EXOC3L2: variants seen among roughly 807,000 people sequenced by gnomAD.
EXOC3L2 encodes exocyst complex component 3 like 2.
A neutral mutation model predicts 44.4 loss-of-function variants in EXOC3L2; 17 were observed. The ratio of observed to expected loss-of-function variants is 0.38; its 90% CI spans 0.26 to 0.57. The LOEUF is 0.57. Ranked by LOEUF, EXOC3L2 falls within the 20% of genes least tolerant of loss-of-function variation. The probability of loss-of-function intolerance (pLI) is 0.65; values close to 1 mark genes in which losing one functional copy is unlikely to be tolerated. For missense variants in EXOC3L2, 541 were observed against 588.4 expected (o/e 0.92, Z 0.83); for synonymous variants, 256 against 253.7 (o/e 1.01, Z -0.09).
In EXOC3L2 at chr19:45,231,861, G is replaced by T; in HGVS notation, c.1171C>A (p.Leu391Met). ...NQVYPREVLG[L>M]VDMAALENGE... is the part of the protein sequence containing the mutation. ...TTCTCCAGGGCGGCCATGTCCACCAGCCCTAGGACCTCTCTGGGGATGGGG... is the reference window on the plus strand; with the variant it reads ...TTCTCCAGGGCGGCCATGTCCACCATCCCTAGGACCTCTCTGGGGATGGGG... The change falls in exon 4 of 12, where the codon CTG becomes ATG. Residue 391 changes from leucine to methionine, a missense_variant. Physicochemically the swap from Leu to Met is conservative, Grantham distance 15. Transcript: ENST00000413988. 6.3e-7 allele frequency: 1 copy of T among 1,597,938 alleles called. No homozygotes were observed. Among genetic ancestry groups the T allele is most frequent in the Non-Finnish European group, 8.6e-7 (1 of 1,167,124 alleles).
chr19:45,216,296 C>G, intron 10 of EXOC3L2, 102 bp from the exon 11 acceptor site: 1 of 1,461,256 alleles, frequency 6.8e-7, no homozygotes, highest in Non-Finnish European at 9.1e-7. Context: ...GTAGCAGAAA[C>G]CAGGGGTGGT....
In EXOC3L2 at chr19:45,234,187, G is replaced by T; in HGVS notation, c.1157+6C>A. The T allele has an allele frequency of 2.5e-6, 1 of 396,652 alleles. No homozygotes were observed. Among genetic ancestry groups the T allele is most frequent in the East Asian group, 3.6e-5 (1 of 27,932 alleles). The allele number at this position is 396,652 out of a possible 1,614,324, so 24.6% of individuals were successfully genotyped here. ...ACGTGACCTTGGGCAACTGAGTCCA[G>T]CTTACCTGGGGTAGACCTGATTGTG... On this transcript the variant is annotated splice_donor_region_variant and intron_variant, in intron 3 of 11. Transcript: ENST00000413988. The surrounding 1 kb of genome is among the most constrained non-coding windows in gnomAD (Gnocchi z 5.0).
intron 7 of EXOC3L2, among the ~76,000 whole-genome samples, chr19:45,225,618 CTCT>C (rs1969951390): frequency 1.4e-5 from 2 of 140,592 alleles, no homozygotes; most frequent in Admixed American, 7.0e-5. Context: ...CCTTACTCTT[CTCT>C]TTTTTTTTTT....
intron 10 of EXOC3L2, 86 bp downstream of exon 10, chr19:45,217,441 TC>T: frequency 7.2e-7 from 1 of 1,394,880 alleles, no homozygotes. Context: ...TCTGCCCCTC[TC>T]CCCCTGGCTT....
At chr19:45,215,857 T>C (rs1475259395) in intron 11 of EXOC3L2, among the ~76,000 whole-genome samples, 1 of 152,184 alleles carries the variant, frequency 6.6e-6, no homozygotes, top group Non-Finnish European at 1.5e-5. Context: ...GCCTGTTTGT[T>C]TGTGAGCCCT....
intron 8 of EXOC3L2, among the ~76,000 whole-genome samples, chr19:45,222,759 A>G (rs2122965321): frequency 6.6e-6 from 1 of 152,284 alleles, no homozygotes; most frequent in East Asian, 1.9e-4. Context: ...CAAAAAAGCA[A>G]ACATACATAG....
intron 8 of EXOC3L2, among the ~76,000 whole-genome samples, chr19:45,218,565 G>A (rs560569185): frequency 5.3e-4 from 80 of 152,258 alleles, no homozygotes; most frequent in African/African-American, 1.8e-3. Context: ...AGGGGTTTAG[G>A]AAGCCCAGAG....
Position 45,213,213 on chromosome 19 carries a change from G to T in EXOC3L2, c.2265C>A (p.Asp755Glu), listed in dbSNP as rs111862689. The change falls in exon 12 of 12, where the codon GAC becomes GAA. Residue 755 changes from aspartate to glutamate, a missense_variant. Coordinates refer to ENST00000413988, the MANE Select transcript of EXOC3L2 (RefSeq NM_001382422.1). Reference protein sequence around the residue: ...SPPRDRAFFADIPVPRPSFCL... With the variant: ...SPPRDRAFFAEIPVPRPSFCL... ...AGAAAGATGGGCGGGGCACAGGGAT[G>T]TCTGCAAAGAAGGCACGGTCCCGAG... The T allele has an allele frequency of 1.1e-3, 1,838 of 1,611,642 alleles. 2 individuals are homozygous for T. Among genetic ancestry groups the T allele is most frequent in the Admixed American group, 2.5e-3 (148 of 59,628 alleles).
Position 45,224,715 on chromosome 19 carries a change from G to A in EXOC3L2, c.1719+63C>T, listed in dbSNP as rs1286410294. On this transcript the variant is annotated intron_variant, in intron 8 of 11. Transcript: ENST00000413988. ...CATGGGCTAAAAGGAACTGGAGGAT[G>A]GTGGGGGGCAGCGCTTCCCTGTCCT... 5 of 1,514,484 alleles carry A rather than the reference G, an allele frequency of 3.3e-6. No individual in the cohort carries two copies. The African/African-American group carries it at 5.6e-5, about 17-fold the overall frequency. 93.8% of individuals were successfully genotyped at this position (1,514,484 alleles called of 1,614,324 possible).
Position 45,231,743 on chromosome 19 carries a change from A to C in EXOC3L2, c.1269+20T>G, listed in dbSNP as rs1441534812. On this transcript the variant is annotated intron_variant, in intron 4 of 11. Coordinates refer to ENST00000413988, the MANE Select transcript of EXOC3L2 (RefSeq NM_001382422.1). ...CCCTCCACAGCACCTCCTGCTTCCA[A>C]AATGCAAAGTTCCAGGTACCTTAAC... 3.8e-6 allele frequency: 6 copies of C among 1,589,370 alleles called. No individual in the cohort carries two copies. The highest frequency in any genetic ancestry group is 5.2e-6 in the Non-Finnish European group (6 of 1,159,924).
chr19:45,227,862 G>A, intron 6 of EXOC3L2, 90 bp from the exon 7 acceptor site: 1 of 1,508,562 alleles, frequency 6.6e-7, no homozygotes, highest in Non-Finnish European at 9.1e-7. Context: ...CCCTGCGGTG[G>A]CACTCTACCT....
chr19:45,227,696 T>G lies in EXOC3L2; in HGVS notation c.1549A>C (p.Thr517Pro). Reference sequence around the variant, plus strand: ...GGGCCGCAGTTGACCAGGGCGATGGTCTTGCTGATATAGGTGTCAGGTAGC... The same window carrying G: ...GGGCCGCAGTTGACCAGGGCGATGGGCTTGCTGATATAGGTGTCAGGTAGC... ...EMLPDTYISK[T>P]IALVNCGPPL... The change falls in exon 7 of 12, where the codon ACC becomes CCC. Residue 517 changes from threonine (T) to proline (P), a missense_variant. By Grantham distance (38) the Thr-to-Pro change is conservative. Coordinates refer to ENST00000413988, the MANE Select transcript of EXOC3L2 (RefSeq NM_001382422.1). 1 of 1,612,794 alleles carries G rather than the reference T, an allele frequency of 6.2e-7. No homozygotes were observed. The highest frequency in any genetic ancestry group is 8.5e-7 in the Non-Finnish European group (1 of 1,179,812).
At chr19:45,237,628 G>A (rs1427140633) in intron 2 of EXOC3L2, among the ~76,000 whole-genome samples, 2 of 152,138 alleles carry the variant, frequency 1.3e-5, no homozygotes, top group Non-Finnish European at 2.9e-5. Flanking sequence ...AAGGCACTGA[G>A]GAAGACACTG....
chr19:45,242,861 C>CAAAAAA (rs56175442), intron 1 of EXOC3L2, among the ~76,000 whole-genome samples: 3 of 85,630 alleles, frequency 3.5e-5, no homozygotes, highest in African/African-American at 9.5e-5. Flanking sequence ...AACTCCATCT[C>CAAAAAA]AAAAAAAAAA....
intron 8 of EXOC3L2, 140 bp from the exon 9 acceptor site, chr19:45,218,459 G>A (rs1969862708): frequency 1.7e-6 from 2 of 1,176,146 alleles, no homozygotes; most frequent in Non-Finnish European, 2.3e-6. Context: ...GATAGCCCCA[G>A]CCCTGGCATC....
At chr19:45,230,924 AT>A (rs750043401) in intron 4 of EXOC3L2, among the ~76,000 whole-genome samples, 79 of 147,168 alleles carry the variant, frequency 5.4e-4, no homozygotes, top group Admixed American at 2.1e-3. Flanking sequence ...GTCTCTGCAA[AT>A]TTTTTTTTTT....
At chr19:45,220,262 G>T (rs1316834908) in intron 8 of EXOC3L2, among the ~76,000 whole-genome samples, 1 of 151,914 alleles carries the variant, frequency 6.6e-6, no homozygotes, top group Non-Finnish European at 1.5e-5. Flanking sequence ...CTCAAGAATT[G>T]CTTGAGCCAA....
intron 4 of EXOC3L2, 35 bp from the exon 5 acceptor site, chr19:45,228,301 G>T: frequency 6.3e-7 from 1 of 1,598,790 alleles, no homozygotes; most frequent in South Asian, 1.1e-5. Context: ...GCAGGAGTTG[G>T]GGGCGGCCTG....
At chr19:45,242,861 C>CAAAA (rs56175442) in intron 1 of EXOC3L2, among the ~76,000 whole-genome samples, 25 of 85,564 alleles carry the variant, frequency 2.9e-4, no homozygotes, top group African/African-American at 9.0e-4. Context: ...AACTCCATCT[C>CAAAA]AAAAAAAAAA....
Sources: allele counts gnomAD v4.1 joint callset (sites outside exome capture counted in the v4.1 genomes callset), GRCh38; gene constraint gnomAD v4.1.1; non-coding constraint Gnocchi (gnomAD v3.1); transcripts MANE v1.5; gene names NCBI Gene and HGNC (gene_info 2026-07-23, HGNC 2026-07-21).